The following USP32 variants were observed in gnomAD, a reference collection of about 807,000 sequenced individuals.
The protein encoded by USP32 is ubiquitin carboxyl-terminal hydrolase 32.
USP32 carries 59 observed loss-of-function variants against 204.8 expected under a neutral mutation model. That is an observed-to-expected ratio of 0.29 (90% CI 0.23 to 0.36). The LOEUF (loss-of-function observed/expected upper bound fraction) is 0.36, where lower values mean the gene tolerates loss of function less well. Ranked by LOEUF, USP32 falls within the 10% of genes least tolerant of loss-of-function variation. The probability of loss-of-function intolerance (pLI) is 1.00; values close to 1 mark genes in which losing one functional copy is unlikely to be tolerated. For missense variants in USP32, 1,160 were observed against 1,946.4 expected, an observed-to-expected ratio of 0.60 and a Z score of 7.60; for synonymous variants, 517 against 678.4, an observed-to-expected ratio of 0.76 and a Z score of 3.70.
At chr17:60,321,803 A>G (rs1292818204) in intron 2 of USP32, among the ~76,000 whole-genome samples, 2 of 152,078 alleles carry the variant, frequency 1.3e-5, no homozygotes, top group Non-Finnish European at 2.9e-5. Flanking sequence ...TTTAACAGTG[A>G]CCATTCGTTG....
intron 11 of USP32, among the ~76,000 whole-genome samples, chr17:60,246,881 G>A (rs148730808): frequency 1.1e-3 from 174 of 152,116 alleles, no homozygotes; most frequent in African/African-American, 4.1e-3. Context: ...TTTAAATTGG[G>A]TTATTTGGTT....
At chr17:60,387,907 T>A (rs2089758656) in intron 1 of USP32, among the ~76,000 whole-genome samples, 1 of 152,190 alleles carries the variant, frequency 6.6e-6, no homozygotes, top group South Asian at 2.1e-4. Flanking sequence ...ATTAATACTT[T>A]ACTGAAATAT....
intron 1 of USP32, among the ~76,000 whole-genome samples, chr17:60,351,660 T>C (rs2088953790): frequency 6.6e-6 from 1 of 152,148 alleles, no homozygotes; most frequent in African/African-American, 2.4e-5. Context: ...ACTCCTGACC[T>C]CAGGTGATCC....
intron 15 of USP32, among the ~76,000 whole-genome samples, chr17:60,222,046 C>T (rs2085266609): frequency 6.6e-6 from 1 of 152,200 alleles, no homozygotes; most frequent in African/African-American, 2.4e-5. Flanking sequence ...TAACTAGATA[C>T]TTGTGTGATT....
intron 1 of USP32, among the ~76,000 whole-genome samples, chr17:60,371,879 C>G (rs2089449417): frequency 6.6e-6 from 1 of 152,196 alleles, no homozygotes; most frequent in Non-Finnish European, 1.5e-5. Flanking sequence ...GAATACTAAG[C>G]AAACACAAAT....
intron 9 of USP32, among the ~76,000 whole-genome samples, chr17:60,263,061 G>A (rs1598161421): frequency 6.6e-6 from 1 of 151,794 alleles, no homozygotes; most frequent in African/African-American, 2.4e-5. Flanking sequence ...TGATCCTCTC[G>A]CCTCAGCCTC....
chr17:60,243,867 C>T (rs1034531086), intron 11 of USP32, among the ~76,000 whole-genome samples: 1 of 151,990 alleles, frequency 6.6e-6, no homozygotes, highest in Non-Finnish European at 1.5e-5. Flanking sequence ...AATAAAATGT[C>T]TCTCTGGCTC....
intron 4 of USP32, 87 bp downstream of exon 4, chr17:60,294,596 C>CT (rs2087378125): frequency 1.3e-6 from 1 of 758,082 alleles, no homozygotes; most frequent in South Asian, 2.5e-5. Context: ...ACATAAACAT[C>CT]TGTTTGTCAT....
intron 9 of USP32, among the ~76,000 whole-genome samples, chr17:60,263,394 G>A (rs2086504262): frequency 6.6e-6 from 1 of 152,180 alleles, no homozygotes; most frequent in Non-Finnish European, 1.5e-5. Flanking sequence ...AGAAGAGTTG[G>A]AAGTCAGAAA....
At chr17:60,401,510 GAA>G (rs1243786637) in intron 1 of USP32, among the ~76,000 whole-genome samples, 2 of 152,048 alleles carry the variant, frequency 1.3e-5, no homozygotes, top group East Asian at 1.9e-4. Context: ...TACTTGACAG[GAA>G]GTTCTGGGCA....
intron 2 of USP32, among the ~76,000 whole-genome samples, chr17:60,338,428 T>C (rs2088577283): frequency 6.6e-6 from 1 of 151,892 alleles, no homozygotes; most frequent in African/African-American, 2.4e-5. Flanking sequence ...ATAAAAACAC[T>C]AGACAATTCA....
chr17:60,368,263 A>G (rs12952513), intron 1 of USP32, among the ~76,000 whole-genome samples: 1 of 152,226 alleles, frequency 6.6e-6, no homozygotes, highest in Non-Finnish European at 1.5e-5. Flanking sequence ...ACAGCACTGG[A>G]TAGTATAATG....
intron 1 of USP32, among the ~76,000 whole-genome samples, chr17:60,403,820 G>C (rs1170516729): frequency 1.3e-5 from 2 of 152,050 alleles, no homozygotes; most frequent in Non-Finnish European, 2.9e-5. Flanking sequence ...CGGGAGTATT[G>C]ATTGAGCCCA....
intron 6 of USP32, 54 bp downstream of exon 6, chr17:60,271,296 T>G (rs2086718400): frequency 6.3e-7 from 1 of 1,583,504 alleles, no homozygotes; most frequent in South Asian, 1.1e-5. Flanking sequence ...AAATATGAGA[T>G]GGGCTCAGGT....
intron 2 of USP32, among the ~76,000 whole-genome samples, chr17:60,316,970 G>C (rs1438651877): frequency 2.6e-5 from 4 of 152,168 alleles, no homozygotes; most frequent in Admixed American, 2.6e-4. Flanking sequence ...TCCACTATAT[G>C]AAATATTTAG....
chr17:60,310,507 T>C (rs1047768934), intron 2 of USP32, among the ~76,000 whole-genome samples: 1 of 151,438 alleles, frequency 6.6e-6, no homozygotes, highest in Non-Finnish European at 1.5e-5. Context: ...AAGACCTTCC[T>C]GTCCAATGAG....
chr17:60,354,528 A>C (rs1281748723), intron 1 of USP32, among the ~76,000 whole-genome samples: 1 of 152,190 alleles, frequency 6.6e-6, no homozygotes, highest in Non-Finnish European at 1.5e-5. Context: ...AGAAAACACA[A>C]CCAACATATT....
At chr17:60,196,414 C>A (rs1490663695) in intron 27 of USP32, among the ~76,000 whole-genome samples, 1 of 152,220 alleles carries the variant, frequency 6.6e-6, no homozygotes, top group Non-Finnish European at 1.5e-5. Flanking sequence ...TCTTGTCCAA[C>A]TTTCATCTTT....
intron 15 of USP32, 80 bp downstream of exon 15, chr17:60,222,329 G>A: frequency 6.6e-7 from 1 of 1,508,074 alleles, no homozygotes; most frequent in Non-Finnish European, 9.1e-7. Context: ...TTTGTGGTTA[G>A]TGAGAGTCAC....
Sources: gnomAD v4.1 joint callset for allele counts (sites outside exome capture counted in the v4.1 genomes callset) on GRCh38, gnomAD v4.1.1 for gene constraint, MANE v1.5 for transcripts, NCBI Gene and HGNC (gene_info 2026-07-23, HGNC 2026-07-21) for gene names.